Variants in NYAP2 observed in about 807,000 individuals in gnomAD.
NYAP2 encodes neuronal tyrosine-phosphorylated phosphoinositide-3-kinase adaptor 2.
Under a neutral mutation model 50.4 loss-of-function variants are expected in NYAP2, and 23 were observed. The observed-to-expected ratio is 0.46, with a 90% CI of 0.33 to 0.65. The LOEUF (loss-of-function observed/expected upper bound fraction) is 0.65, where lower values mean the gene tolerates loss of function less well. Among genes scored for constraint, NYAP2 ranks in the 30% least tolerant of loss-of-function variants. NYAP2 has a pLI of 0.02. For missense variants in NYAP2, 885 were observed against 861.0 expected (o/e 1.03, Z -0.35); for synonymous variants, 394 against 365.2 (o/e 1.08, Z -0.90).
intron 4 of NYAP2, among the ~76,000 whole-genome samples, chr2:225,523,170 T>G (rs1691096650): frequency 6.6e-6 from 1 of 152,024 alleles, no homozygotes; most frequent in Non-Finnish European, 1.5e-5. Flanking sequence ...CTGTGACACT[T>G]ATAAGTGGCC....
At chr2:225,628,790 G>A (rs1301718755) in intron 6 of NYAP2, among the ~76,000 whole-genome samples, 1 of 151,986 alleles carries the variant, frequency 6.6e-6, no homozygotes, top group Non-Finnish European at 1.5e-5. Context: ...CTTCTATTGT[G>A]GCTAGATATA....
chr2:225,651,635 T>C, exon 7 of NYAP2: 1 of 1,566,962 alleles, frequency 6.4e-7, no homozygotes, highest in South Asian at 1.1e-5. Context: ...AACTTTCGCA[T>C]TTGCTTTTAT....
chr2:225,546,603 CA>C (rs1306057697), intron 4 of NYAP2, among the ~76,000 whole-genome samples: 1 of 152,082 alleles, frequency 6.6e-6, no homozygotes, highest in Non-Finnish European at 1.5e-5. Context: ...CCTTCTGGCC[CA>C]GGGTAAGTCC....
At chr2:225,583,389 G>A (rs1209429924) in intron 5 of NYAP2, among the ~76,000 whole-genome samples, 5 of 152,112 alleles carry the variant, frequency 3.3e-5, no homozygotes, top group East Asian at 1.9e-4. Flanking sequence ...CACGGAGTAC[G>A]TGGTCTTGGG....
At chr2:225,447,063 T>C (rs1314589117) in intron 3 of NYAP2, among the ~76,000 whole-genome samples, 1 of 151,952 alleles carries the variant, frequency 6.6e-6, no homozygotes, top group Non-Finnish European at 1.5e-5. Flanking sequence ...GGAGCAAGAT[T>C]GATAAGAAAT....
chr2:225,621,377 A>G (rs1198130153), intron 5 of NYAP2, among the ~76,000 whole-genome samples: 2 of 152,358 alleles, frequency 1.3e-5, no homozygotes, highest in East Asian at 3.9e-4. Context: ...CTTCTCATAA[A>G]AAGACAAATA....
the NYAP2 span, among the ~76,000 whole-genome samples, chr2:225,694,199 C>G: frequency 1.6e-4 from 24 of 151,884 alleles, no homozygotes; most frequent in African/African-American, 4.8e-4. Flanking sequence ...AATAACTAAA[C>G]TAGAAGAGTT....
At chr2:225,487,864 C>T (rs1690331807) in intron 3 of NYAP2, among the ~76,000 whole-genome samples, 2 of 152,174 alleles carry the variant, frequency 1.3e-5, no homozygotes, top group African/African-American at 2.4e-5. Context: ...TTATAGGTGG[C>T]ATTTCTAAGT....
chr2:225,540,902 C>A (rs1258160595), intron 4 of NYAP2, among the ~76,000 whole-genome samples: 1 of 152,100 alleles, frequency 6.6e-6, no homozygotes, highest in Non-Finnish European at 1.5e-5. Context: ...ACACTCCCAC[C>A]AACTGTCTAT....
exon 3 of NYAP2, chr2:225,409,018 T>C (rs1426148110): frequency 2.5e-6 from 4 of 1,612,412 alleles, no homozygotes; most frequent in Non-Finnish European, 2.5e-6. Context: ...CTCGAGAGAA[T>C]GATCGCTTGA....
At chr2:225,453,843 T>C (rs1404148334) in intron 3 of NYAP2, among the ~76,000 whole-genome samples, 3 of 150,462 alleles carry the variant, frequency 2.0e-5, no homozygotes, top group African/African-American at 7.3e-5. Flanking sequence ...AATTTTTTTT[T>C]TTTTTTTTTT....
At chr2:225,479,546 A>G (rs2106164165) in intron 3 of NYAP2, among the ~76,000 whole-genome samples, 1 of 152,192 alleles carries the variant, frequency 6.6e-6, no homozygotes, top group East Asian at 1.9e-4. Flanking sequence ...AAAGTTCAGC[A>G]TTGCATGGTA....
At chr2:225,533,305 A>T (rs1691290166) in intron 4 of NYAP2, among the ~76,000 whole-genome samples, 1 of 152,184 alleles carries the variant, frequency 6.6e-6, no homozygotes, top group Admixed American at 6.5e-5. Flanking sequence ...TCTACTCTCC[A>T]TATACAATCA....
At chr2:225,621,293 A>G (rs1693099712) in intron 5 of NYAP2, among the ~76,000 whole-genome samples, 1 of 152,244 alleles carries the variant, frequency 6.6e-6, no homozygotes, top group Non-Finnish European at 1.5e-5. Flanking sequence ...TTGTCTCAGG[A>G]CACTGAAAAA....
At chr2:225,503,388 T>C (rs1690641411) in intron 3 of NYAP2, among the ~76,000 whole-genome samples, 1 of 152,212 alleles carries the variant, frequency 6.6e-6, no homozygotes, top group East Asian at 1.9e-4. Flanking sequence ...AAATGAGGAA[T>C]GTTTTAATTT....
intron 3 of NYAP2, among the ~76,000 whole-genome samples, chr2:225,466,216 T>G (rs1395127608): frequency 6.6e-6 from 1 of 152,258 alleles, no homozygotes; most frequent in Non-Finnish European, 1.5e-5. Flanking sequence ...CTTGAAGATT[T>G]ATATGCCCTC....
chr2:225,403,472 T>C (rs1304698341), intron 2 of NYAP2, among the ~76,000 whole-genome samples: 2 of 151,952 alleles, frequency 1.3e-5, no homozygotes, highest in Non-Finnish European at 2.9e-5. Flanking sequence ...ATAAACTATC[T>C]TATTATAGCT....
exon 7 of NYAP2, chr2:225,653,655 A>C (rs1473034026): frequency 6.6e-6 from 1 of 152,184 alleles, no homozygotes; most frequent in Admixed American, 6.5e-5. Flanking sequence ...TACTCTAGAG[A>C]TGAAGTGGTA....
intron 4 of NYAP2, among the ~76,000 whole-genome samples, chr2:225,544,270 T>C (rs749104287): frequency 5.9e-5 from 9 of 151,928 alleles, no homozygotes; most frequent in Admixed American, 5.9e-4. Context: ...TTGGAGAGTT[T>C]AATCCATTTA....
Sources: allele counts gnomAD v4.1 joint callset (sites outside exome capture counted in the v4.1 genomes callset), GRCh38; gene constraint gnomAD v4.1.1; transcripts MANE v1.5; gene names NCBI Gene and HGNC (gene_info 2026-07-23, HGNC 2026-07-21).